The following RALYL variants were observed in gnomAD, a reference collection of about 807,000 sequenced individuals.
RALYL encodes the protein RALY RNA binding protein like.
RALYL carries 29 observed loss-of-function variants against 35.1 expected under a neutral mutation model. The ratio of observed to expected loss-of-function variants is 0.83; its 90% CI spans 0.61 to 1.13. The LOEUF is 1.13. Ranked by LOEUF, RALYL falls within the 50% of genes most tolerant of loss-of-function variation. RALYL has a pLI of 0.00. For missense variants in RALYL, 359 were observed against 360.4 expected (o/e 1.00, Z 0.03); for synonymous variants, 120 against 127.6 (o/e 0.94, Z 0.40).
chr8:84,356,792 T>A (rs2131176859), intron 1 of RALYL, among the ~76,000 whole-genome samples: 1 of 150,298 alleles, frequency 6.7e-6, no homozygotes, highest in South Asian at 2.1e-4. Context: ...CAAGAAAAAA[T>A]GTTATGCTCT....
intron 1 of RALYL, among the ~76,000 whole-genome samples, chr8:84,308,986 C>T (rs1369400937): frequency 6.6e-6 from 1 of 151,518 alleles, no homozygotes. Context: ...GCAATAATTA[C>T]TAATTGACAT....
rs961401591 is a variant in RALYL at position 84,184,232 on chromosome 8, C to G, written c.-216C>G. ...TGCACATTTGACTTTTTTAAAAAAC[C>G]GAGATAATTTTATGATAGATATCCT... On this transcript the variant is annotated 5_prime_UTR_variant, in exon 1 of 9. Coordinates refer to ENST00000521268, the MANE Select transcript of RALYL (RefSeq NM_173848.7). 8 of 151,788 alleles carry G rather than the reference C, an allele frequency of 5.3e-5. No individual in the cohort carries two copies. Among genetic ancestry groups the G allele is most frequent in the African/African-American group, 1.7e-4 (7 of 41,272 alleles). 9.4% of individuals were successfully genotyped at this position (151,788 alleles called of 1,614,324 possible).
At chr8:84,339,887 C>T (rs1473318571) in intron 1 of RALYL, among the ~76,000 whole-genome samples, 1 of 152,070 alleles carries the variant, frequency 6.6e-6, no homozygotes, top group African/African-American at 2.4e-5. Context: ...TATGGTTTGG[C>T]TGTGTCCCCA....
chr8:84,487,543 A>T (rs1158444348), intron 1 of RALYL, among the ~76,000 whole-genome samples: 1 of 152,070 alleles, frequency 6.6e-6, no homozygotes, highest in Non-Finnish European at 1.5e-5. Flanking sequence ...TAAATATATG[A>T]TAGGGGTCAA....
chr8:84,679,781 G>C, intron 2 of RALYL: 2 of 511,160 alleles, frequency 3.9e-6, no homozygotes, highest in Non-Finnish European at 7.9e-6. Flanking sequence ...ATGAAGCCAG[G>C]GAAATTGGAT....
chr8:84,619,645 G>C (rs1202303070), intron 2 of RALYL, among the ~76,000 whole-genome samples: 1 of 149,746 alleles, frequency 6.7e-6, no homozygotes, highest in South Asian at 2.1e-4. Context: ...TATGATGTTA[G>C]CTGGTTATTT....
intron 1 of RALYL, among the ~76,000 whole-genome samples, chr8:84,383,927 T>C (rs1481233955): frequency 6.6e-6 from 1 of 151,748 alleles, no homozygotes. Flanking sequence ...GCCAGCCAGA[T>C]ACTTATATGA....
intron 2 of RALYL, among the ~76,000 whole-genome samples, chr8:84,682,794 C>A (rs1010495845): frequency 2.0e-4 from 31 of 151,934 alleles, no homozygotes; most frequent in Non-Finnish European, 4.3e-4. Context: ...AAAACCAGCT[C>A]CTGGATTCAT....
chr8:84,668,797 A>G (rs952587479), intron 2 of RALYL, among the ~76,000 whole-genome samples: 1 of 152,160 alleles, frequency 6.6e-6, no homozygotes, highest in Non-Finnish European at 1.5e-5. Context: ...GCTCAGAAAT[A>G]GCCAGACAAG....
chr8:84,261,160 G>T (rs907524175), intron 1 of RALYL, among the ~76,000 whole-genome samples: 1 of 151,296 alleles, frequency 6.6e-6, no homozygotes, highest in African/African-American at 2.4e-5. Context: ...TATTCAGGTG[G>T]AATTAATTTT....
intron 8 of RALYL, among the ~76,000 whole-genome samples, chr8:84,907,459 T>C (rs927732299): frequency 6.6e-6 from 1 of 152,150 alleles, no homozygotes; most frequent in Non-Finnish European, 1.5e-5. Context: ...CTGAGTTTTT[T>C]ATATATGTCT....
At chr8:84,755,712 A>G (rs1811226447) in intron 2 of RALYL, among the ~76,000 whole-genome samples, 1 of 151,998 alleles carries the variant, frequency 6.6e-6, no homozygotes, top group African/African-American at 2.4e-5. Flanking sequence ...TTAAATATTT[A>G]TACAAAGGTG....
At chr8:84,801,965 G>GTAT (rs1304848529) in intron 3 of RALYL, among the ~76,000 whole-genome samples, 8 of 152,160 alleles carry the variant, frequency 5.3e-5, no homozygotes, top group Non-Finnish European at 1.0e-4. Flanking sequence ...AACTTGATAT[G>GTAT]TATTAAAAGT....
intron 2 of RALYL, among the ~76,000 whole-genome samples, chr8:84,719,338 A>G (rs1413636903): frequency 6.6e-6 from 1 of 152,200 alleles, no homozygotes; most frequent in South Asian, 2.1e-4. Context: ...ATATGTTACT[A>G]TGATATAGGC....
intron 8 of RALYL, among the ~76,000 whole-genome samples, chr8:84,909,145 G>A (rs933031447): frequency 1.3e-5 from 2 of 152,052 alleles, no homozygotes; most frequent in African/African-American, 4.8e-5. Context: ...ATAGGATATT[G>A]CCTTCTCAAA....
chr8:84,780,554 C>T (rs1301990276), intron 3 of RALYL, among the ~76,000 whole-genome samples: 1 of 152,138 alleles, frequency 6.6e-6, no homozygotes, highest in Non-Finnish European at 1.5e-5. Flanking sequence ...CAAACATTCA[C>T]TTTATTGATT....
intron 1 of RALYL, among the ~76,000 whole-genome samples, chr8:84,515,207 A>T (rs1433644097): frequency 1.3e-5 from 2 of 152,196 alleles, no homozygotes; most frequent in African/African-American, 4.8e-5. Flanking sequence ...AAATAGCTAC[A>T]TAGTGACAGT....
intron 7 of RALYL, among the ~76,000 whole-genome samples, chr8:84,886,314 A>G (rs1004183719): frequency 8.5e-5 from 13 of 152,180 alleles, no homozygotes; most frequent in Admixed American, 2.6e-4. Flanking sequence ...TTGTTGATTT[A>G]TATATTAGTT....
Position 84,352,874 on chromosome 8 carries a change from A to T in RALYL, c.-24+168450A>T, listed in dbSNP as rs534241010. 8.7e-5 allele frequency among the ~76,000 whole-genome samples: 13 copies of T among 150,166 alleles called. No individual in the cohort carries two copies. In the South Asian group the frequency reaches 2.7e-3, roughly 31 times the overall value. ...CATTGAGCTCTGGACTGCAAATCTT[A>T]TGTCGTTTTTTTACTCTGCAAAAAA... On this transcript the variant is annotated intron_variant, in intron 1 of 8. Transcript: ENST00000521268.
Sources: gnomAD v4.1 joint callset for allele counts (sites outside exome capture counted in the v4.1 genomes callset) on GRCh38, gnomAD v4.1.1 for gene constraint, MANE v1.5 for transcripts, NCBI Gene and HGNC (gene_info 2026-07-23, HGNC 2026-07-21) for gene names.